Variants in NECAB3 observed in about 807,000 individuals in gnomAD.
NECAB3 encodes the protein N-terminal EF-hand calcium binding protein 3.
In NECAB3, 38 loss-of-function variants were observed where a neutral mutation model predicts 57.2. That is an observed-to-expected ratio of 0.66 (90% CI 0.51 to 0.87). NECAB3 has a LOEUF of 0.87. Ranked by LOEUF, NECAB3 falls within the 40% of genes least tolerant of loss-of-function variation. The pLI is 0.00. For missense variants in NECAB3, 474 were observed against 527.5 expected (o/e 0.90, Z 0.99); for synonymous variants, 223 against 222.6 (o/e 1.00, Z -0.02).
At chr20:33,674,175 CAG>C (rs2017896747) in intron 1 of NECAB3, 47 bp downstream of exon 1, 1 of 1,245,954 alleles carries the variant, frequency 8.0e-7, no homozygotes, top group African/African-American at 1.5e-5. Flanking sequence ...GTGAGACTAA[CAG>C]AGACTCGGGT....
At chr20:33,659,854 G>T in intron 7 of NECAB3, 31 bp downstream of exon 7, 1 of 1,538,756 alleles carries the variant, frequency 6.5e-7, no homozygotes, top group South Asian at 1.2e-5. Context: ...TGCCTGCCTC[G>T]GCCAGGCCTC....
At chr20:33,667,913 G>T (rs1007636881) in intron 5 of NECAB3, 1 of 1,570,654 alleles carries the variant, frequency 6.4e-7, no homozygotes, top group African/African-American at 1.4e-5. Context: ...GCTGAGCAGG[G>T]GCTGCCCGCG....
chr20:33,662,579 G>C lies in NECAB3; in HGVS notation c.388-2184C>G, dbSNP rs549973372. On this transcript the variant is annotated intron_variant, in intron 5 of 11. Transcript: ENST00000246190. ...GGGAGTCTAGGCCTTGTATGCAGAA[G>C]TCCTAGGGGGTGAGGGAGGAATTCG... is the stretch of plus-strand genomic sequence containing the variant. 2.4e-6 allele frequency: 3 copies of C among 1,273,036 alleles called. No individual in the cohort carries two copies. The African/African-American group carries it at 4.5e-5, about 19-fold the overall frequency. The allele number at this position is 1,273,036 out of a possible 1,614,324, so 78.9% of individuals were successfully genotyped here. A position where few individuals can be genotyped will look rare whatever the true frequency, so the allele number is the denominator to read the frequency against.
At chr20:33,663,827 A>G (rs188273385) in intron 5 of NECAB3, 3 of 1,409,394 alleles carry the variant, frequency 2.1e-6, no homozygotes, top group South Asian at 1.5e-5. Flanking sequence ...GCCGAGGAGC[A>G]GCCGCGCAAA....
chr20:33,663,417 G>A (rs1166303330), intron 5 of NECAB3: 10 of 1,129,858 alleles, frequency 8.9e-6, no homozygotes, highest in Non-Finnish European at 1.2e-5. Context: ...GACAGGACCC[G>A]GGTGGACGAC....
At chr20:33,667,398 G>T in intron 5 of NECAB3, 1 of 1,390,392 alleles carries the variant, frequency 7.2e-7, no homozygotes, top group South Asian at 1.6e-5. Flanking sequence ...GCCCAGAGCA[G>T]TGGCCCGTGC....
chr20:33,669,839 C>T lies in NECAB3; in HGVS notation c.264-127G>A. 4.0e-6 allele frequency: 4 copies of T among 1,003,218 alleles called. No individual in the cohort carries two copies. The South Asian group carries it at 6.7e-5, about 17-fold the overall frequency. 62.1% of individuals were successfully genotyped at this position (1,003,218 alleles called of 1,614,324 possible). A position where few individuals can be genotyped will look rare whatever the true frequency, so the allele number is the denominator to read the frequency against. On this transcript the variant is annotated intron_variant, in intron 3 of 11. Transcript: ENST00000246190. ...TAACAAGGCCACTTCTGCTCCACCC[C>T]AGATTAAGTTGCTCCTGTGGACAGA...
chr20:33,663,435 G>C, intron 5 of NECAB3: 1 of 1,324,536 alleles, frequency 7.5e-7, no homozygotes. Flanking sequence ...GACAGGACCC[G>C]GGTGGACGAG....
intron 5 of NECAB3, among the ~76,000 whole-genome samples, chr20:33,666,102 A>G (rs2017641483): frequency 6.6e-6 from 1 of 152,158 alleles, no homozygotes; most frequent in Non-Finnish European, 1.5e-5. Context: ...AATAAAAAAA[A>G]GAACTGAGTC....
intron 5 of NECAB3, chr20:33,663,426 A>G: frequency 8.0e-7 from 1 of 1,245,446 alleles, no homozygotes; most frequent in Non-Finnish European, 1.1e-6. Flanking sequence ...CGGGTGGACG[A>G]CAGGACCCGG....
At chr20:33,662,472 G>A in intron 5 of NECAB3, 1 of 1,551,634 alleles carries the variant, frequency 6.4e-7, no homozygotes, top group Non-Finnish European at 8.7e-7. Flanking sequence ...GAAGCCGGCT[G>A]TGAGGGCGGG....
At chr20:33,663,760 C>T (rs1452636629) in intron 5 of NECAB3, 1 of 1,460,416 alleles carries the variant, frequency 6.8e-7, no homozygotes, top group South Asian at 1.4e-5. Context: ...TCTGAGCTGG[C>T]CGCGGCTGCT....
intron 1 of NECAB3, among the ~76,000 whole-genome samples, chr20:33,673,312 G>A (rs192269712): frequency 6.6e-6 from 1 of 152,198 alleles, no homozygotes; most frequent in East Asian, 1.9e-4. Flanking sequence ...CCCCCTCCAG[G>A]GTCCTGTTTT....
chr20:33,668,068 G>C (rs755002329), intron 5 of NECAB3: 3 of 1,575,610 alleles, frequency 1.9e-6, no homozygotes, highest in Non-Finnish European at 2.6e-6. Flanking sequence ...CCGGCGGCAC[G>C]GCTACGCGGC....
At chr20:33,663,781 C>T (rs559209641) in intron 5 of NECAB3, 5 of 1,432,334 alleles carry the variant, frequency 3.5e-6, no homozygotes, top group East Asian at 5.8e-5. Flanking sequence ...CTCGCGCTTC[C>T]GGTCCCCGGG....
chr20:33,662,241 C>G, intron 5 of NECAB3: 1 of 1,442,526 alleles, frequency 6.9e-7, no homozygotes, highest in Non-Finnish European at 9.3e-7. Context: ...GTGCTCAGAG[C>G]CTGCAATTGG....
intron 5 of NECAB3, among the ~76,000 whole-genome samples, chr20:33,666,226 G>C (rs562699334): frequency 6.6e-6 from 1 of 152,304 alleles, no homozygotes; most frequent in Admixed American, 6.5e-5. Context: ...TTTTTCTTCA[G>C]CACTGGGAGG....
chr20:33,672,692 C>T (rs373385804), intron 1 of NECAB3, among the ~76,000 whole-genome samples: 21 of 152,184 alleles, frequency 1.4e-4, no homozygotes, highest in East Asian at 5.8e-4. Flanking sequence ...CAGTCCCCTG[C>T]GTCCCCACCT....
chr20:33,662,044 G>A (rs565349986), intron 5 of NECAB3: 66 of 285,838 alleles, frequency 2.3e-4, no homozygotes, highest in African/African-American at 1.2e-3. Context: ...CCTGGGCTAA[G>A]GTCACATAGC....
Sources: allele counts gnomAD v4.1 joint callset (sites outside exome capture counted in the v4.1 genomes callset), GRCh38; gene constraint gnomAD v4.1.1; transcripts MANE v1.5; gene names NCBI Gene and HGNC (gene_info 2026-07-23, HGNC 2026-07-21).